The following ICA1 variants were observed in gnomAD, a reference collection of about 807,000 sequenced individuals.
The protein encoded by ICA1 is islet cell autoantigen 1.
A neutral mutation model predicts 71.0 loss-of-function variants in ICA1; 40 were observed. The ratio of observed to expected loss-of-function variants is 0.56; its 90% CI spans 0.44 to 0.73. The LOEUF (loss-of-function observed/expected upper bound fraction) is 0.73, where lower values mean the gene tolerates loss of function less well. ICA1 is among the 30% of genes least tolerant of loss of function. The pLI, the probability that ICA1 is intolerant of heterozygous loss-of-function variation, is 0.00. For synonymous variants in ICA1, 207 were observed against 209.5 expected, an observed-to-expected ratio of 0.99 and a Z score of 0.10; for missense variants, 578 against 576.5, an observed-to-expected ratio of 1.00 and a Z score of -0.03.
At chr7:8,245,409 T>TGG (rs1468278796) in intron 1 of ICA1, among the ~76,000 whole-genome samples, 143 of 96,904 alleles carry the variant, frequency 1.5e-3, no homozygotes, top group African/African-American at 5.7e-3. Flanking sequence ...GGGCCTGTTG[T>TGG]GGGGTGGGGG....
chr7:8,242,992 GA>G (rs1191494171), intron 1 of ICA1, among the ~76,000 whole-genome samples: 1 of 152,194 alleles, frequency 6.6e-6, no homozygotes, highest in Non-Finnish European at 1.5e-5. Context: ...GAGGTACAAA[GA>G]GGAGCTGGTA....
chr7:8,122,496 C>T (rs1035812259), intron 13 of ICA1, among the ~76,000 whole-genome samples: 9 of 152,270 alleles, frequency 5.9e-5, no homozygotes, highest in African/African-American at 2.2e-4. Context: ...AAATGCTCCT[C>T]AGCAGGCATA....
chr7:8,186,811 A>T (rs77237069), intron 6 of ICA1, among the ~76,000 whole-genome samples: 3,214 of 152,240 alleles, frequency 0.021, 129 homozygotes, highest in African/African-American at 0.074. Flanking sequence ...GCCACTGAGA[A>T]GGGGAAATAT....
chr7:8,117,660 T>C (rs1312626612), intron 13 of ICA1, among the ~76,000 whole-genome samples: 1 of 152,204 alleles, frequency 6.6e-6, no homozygotes, highest in African/African-American at 2.4e-5. Context: ...GTTGGGATCA[T>C]TGTGCTTAAA....
At chr7:8,208,351 T>G (rs567485086) in intron 6 of ICA1, among the ~76,000 whole-genome samples, 1 of 152,180 alleles carries the variant, frequency 6.6e-6, no homozygotes, top group African/African-American at 2.4e-5. Flanking sequence ...CTGCTCCTGT[T>G]TGAAATTTAA....
rs545586282 is a variant in ICA1, at chr7:8,244,555, C to A, written c.-79-8550G>T. Among the ~76,000 whole-genome samples, 196 of 152,202 alleles carry A rather than the reference C, an allele frequency of 1.3e-3. 2 individuals are homozygous for A. The highest frequency in any genetic ancestry group is 9.0e-3 in the Admixed American group (138 of 15,270). On this transcript the variant is annotated intron_variant, in intron 1 of 13. Transcript: ENST00000402384. ...ATGGCAACAAAAGCCAAAATACACA[C>A]ATGGGATCTAATTAAACTAAAGAGC...
chr7:8,171,595 CTAT>C (rs71545883), intron 6 of ICA1, among the ~76,000 whole-genome samples: 61,381 of 151,430 alleles, frequency 0.41, 14,670 homozygotes, highest in South Asian at 0.53. Flanking sequence ...TTTGATTTCT[CTAT>C]TGTTTTCTGT....
At chr7:8,119,970 T>G (rs1786233822) in intron 13 of ICA1, among the ~76,000 whole-genome samples, 1 of 152,230 alleles carries the variant, frequency 6.6e-6, no homozygotes, top group Admixed American at 6.5e-5. Context: ...AATTCCTTTG[T>G]AAGTATGGAT....
In ICA1 at chr7:8,132,924, G is replaced by C. The variant is rs1020713022; in HGVS notation, c.1061-4782C>G. Among the ~76,000 whole-genome samples, 1 of 152,178 alleles carries C rather than the reference G, an allele frequency of 6.6e-6. No homozygotes were observed. The highest frequency in any genetic ancestry group is 2.4e-5 in the African/African-American group (1 of 41,430). On this transcript the variant is annotated intron_variant, in intron 12 of 13. Coordinates refer to ENST00000402384, the MANE Select transcript of ICA1 (RefSeq NM_001136020.3). This position sits in a 1 kb window ranked among gnomAD's most constrained non-coding sequence, Gnocchi z 4.5. ...TGCTCCATAGAGGAACCCTCTTACTGTGTATCTTTGCTTAGTCTGTGTTAT... is the reference window on the plus strand; with the variant it reads ...TGCTCCATAGAGGAACCCTCTTACTCTGTATCTTTGCTTAGTCTGTGTTAT...
At chr7:8,128,556 C>A (rs895197570) in intron 12 of ICA1, among the ~76,000 whole-genome samples, 1 of 152,188 alleles carries the variant, frequency 6.6e-6, no homozygotes, top group Admixed American at 6.5e-5. Context: ...AACAGCAACA[C>A]GCCATGTGGC....
intron 8 of ICA1, chr7:8,156,698 C>CA: frequency 1.3e-6 from 1 of 797,856 alleles, no homozygotes; most frequent in East Asian, 3.1e-5. Context: ...GAAAGGAGGA[C>CA]ACCTTCTCAA....
intron 6 of ICA1, among the ~76,000 whole-genome samples, chr7:8,160,855 A>G (rs2128205031): frequency 6.6e-6 from 1 of 152,354 alleles, no homozygotes; most frequent in Middle Eastern, 3.4e-3. Context: ...TAGGATGAGT[A>G]AGTGTTAGAG....
intron 8 of ICA1, among the ~76,000 whole-genome samples, chr7:8,145,701 T>C (rs1031305856): frequency 2.0e-5 from 3 of 148,470 alleles, no homozygotes; most frequent in Non-Finnish European, 4.5e-5. Context: ...GATTTTCATA[T>C]ATTTTCTGCT....
intron 6 of ICA1, among the ~76,000 whole-genome samples, chr7:8,175,598 T>C (rs1396176353): frequency 6.6e-6 from 1 of 152,220 alleles, no homozygotes; most frequent in African/African-American, 2.4e-5. Context: ...AAACATGGCA[T>C]GCAACCTTCA....
At chr7:8,196,888 T>G (rs1472933096) in intron 6 of ICA1, among the ~76,000 whole-genome samples, 2 of 152,096 alleles carry the variant, frequency 1.3e-5, no homozygotes, top group South Asian at 4.1e-4. Context: ...GATGGTTTTA[T>G]AAATGGGAGA....
intron 6 of ICA1, among the ~76,000 whole-genome samples, chr7:8,184,048 G>A (rs1179460057): frequency 6.6e-6 from 1 of 152,180 alleles, no homozygotes; most frequent in Non-Finnish European, 1.5e-5. Context: ...CTATTAAGAT[G>A]CTTATCTCAC....
chr7:8,236,249 T>C (rs780765400), intron 1 of ICA1, among the ~76,000 whole-genome samples: 1 of 152,218 alleles, frequency 6.6e-6, no homozygotes, highest in Non-Finnish European at 1.5e-5. Flanking sequence ...TGCAGAAGAC[T>C]ACATAAAATA....
chr7:8,151,873 AAGG>A (rs1344902805), intron 8 of ICA1, among the ~76,000 whole-genome samples: 3 of 152,236 alleles, frequency 2.0e-5, no homozygotes, highest in African/African-American at 7.2e-5. Context: ...CCAAGAGAGA[AAGG>A]AGGAGACATG....
intron 6 of ICA1, among the ~76,000 whole-genome samples, chr7:8,183,017 G>C (rs1174525767): frequency 6.6e-6 from 1 of 152,160 alleles, no homozygotes; most frequent in Admixed American, 6.5e-5. Flanking sequence ...ACAACACAAT[G>C]GTGATCAGGC....
Sources: gnomAD v4.1 joint callset for allele counts (sites outside exome capture counted in the v4.1 genomes callset) on GRCh38, gnomAD v4.1.1 for gene constraint, Gnocchi (gnomAD v3.1) non-coding constraint, MANE v1.5 for transcripts, NCBI Gene and HGNC (gene_info 2026-07-23, HGNC 2026-07-21) for gene names.